The following UBE2E2 variants were observed in gnomAD, a reference collection of about 807,000 sequenced individuals.
The protein encoded by UBE2E2 is ubiquitin-conjugating enzyme E2 E2.
In UBE2E2, 6 loss-of-function variants were observed where a neutral mutation model predicts 24.7. That is an observed-to-expected ratio of 0.24 (90% confidence interval 0.13 to 0.48). The LOEUF (loss-of-function observed/expected upper bound fraction) is 0.48, where lower values mean the gene tolerates loss of function less well. Among genes scored for constraint, UBE2E2 ranks in the 20% least tolerant of loss-of-function variants. UBE2E2 has a pLI of 0.99. For synonymous variants in UBE2E2, 104 were observed against 83.6 expected (o/e 1.24, Z -1.33); for missense variants, 169 against 245.0 (o/e 0.69, Z 2.07).
chr3:23,437,685 A>G (rs772432617), intron 3 of UBE2E2, among the ~76,000 whole-genome samples: 9 of 152,178 alleles, frequency 5.9e-5, no homozygotes, highest in Non-Finnish European at 8.8e-5. Context: ...CTGCTTCTGT[A>G]TAGTGTCTGG....
chr3:23,358,491 G>C (rs1559360646), intron 3 of UBE2E2, among the ~76,000 whole-genome samples: 1 of 152,058 alleles, frequency 6.6e-6, no homozygotes. Flanking sequence ...GTGGAAATTA[G>C]TTTCTAACAG....
At chr3:23,565,375 T>G (rs1229994156) in intron 5 of UBE2E2, among the ~76,000 whole-genome samples, 1 of 151,056 alleles carries the variant, frequency 6.6e-6, no homozygotes, top group Non-Finnish European at 1.5e-5. Context: ...CTCTAATTAT[T>G]ACACTCTCAT....
At chr3:23,210,852 T>G (rs1490198902) in intron 2 of UBE2E2, among the ~76,000 whole-genome samples, 1 of 152,198 alleles carries the variant, frequency 6.6e-6, no homozygotes, top group African/African-American at 2.4e-5. Flanking sequence ...AGGTCTTCAG[T>G]TGGTTTTCGG....
chr3:23,357,121 G>A (rs1267436583), intron 3 of UBE2E2, among the ~76,000 whole-genome samples: 3 of 152,208 alleles, frequency 2.0e-5, no homozygotes, highest in African/African-American at 7.2e-5. Flanking sequence ...TAGTTGCATG[G>A]TCTTACTTCA....
At chr3:23,482,666 A>T (rs112843226) in intron 3 of UBE2E2, among the ~76,000 whole-genome samples, 31 of 151,494 alleles carry the variant, frequency 2.0e-4, no homozygotes, top group East Asian at 1.7e-3. Context: ...GATTATTATT[A>T]TTTTTTTTTA....
At chr3:23,558,780 G>A (rs141196699) in intron 5 of UBE2E2, among the ~76,000 whole-genome samples, 3 of 152,040 alleles carry the variant, frequency 2.0e-5, no homozygotes, top group Non-Finnish European at 4.4e-5. Context: ...GTTATTTATT[G>A]CCAGGCACAG....
At chr3:23,287,791 A>C (rs564283630) in intron 3 of UBE2E2, among the ~76,000 whole-genome samples, 1 of 137,852 alleles carries the variant, frequency 7.3e-6, no homozygotes, top group Non-Finnish European at 1.6e-5. Context: ...TTTTTTTTAC[A>C]TCTCTGATTT....
At position 23,280,317 on chromosome 3, in the gene UBE2E2, C is replaced by T. The variant is rs1698465271; in HGVS notation, c.227+63005C>T. Among the ~76,000 whole-genome samples the T allele has an allele frequency of 1.3e-5, 2 of 152,134 alleles. No individual in the cohort carries two copies. Among genetic ancestry groups the T allele is most frequent in the African/African-American group, 4.8e-5 (2 of 41,430 alleles). ...TAGTGTAATTTTTAGTGGTGAGAGT[C>T]TTAAGAGTACTAGTATTCTTTGGGA... is the stretch of plus-strand genomic sequence containing the variant. On this transcript the variant is annotated intron_variant, in intron 3 of 5. Transcript: ENST00000396703. The surrounding 1 kb of genome is among the most constrained non-coding windows in gnomAD (Gnocchi z 4.3).
chr3:23,439,372 C>T (rs868740532), intron 3 of UBE2E2, among the ~76,000 whole-genome samples: 1 of 152,178 alleles, frequency 6.6e-6, no homozygotes, highest in Admixed American at 6.5e-5. Flanking sequence ...ATAGTACCTG[C>T]GCTAAGAGAT....
chr3:23,394,695 G>T (rs1335120883), intron 3 of UBE2E2, among the ~76,000 whole-genome samples: 1 of 152,196 alleles, frequency 6.6e-6, no homozygotes, highest in African/African-American at 2.4e-5. Context: ...CTCTGGTACT[G>T]TTCTGGAGCC....
chr3:23,297,305 T>C (rs1698940167), intron 3 of UBE2E2, among the ~76,000 whole-genome samples: 1 of 151,930 alleles, frequency 6.6e-6, no homozygotes, highest in Non-Finnish European at 1.5e-5. Flanking sequence ...CAGAAGCTCT[T>C]TAGTTTAATT....
At chr3:23,288,915 C>A (rs539020627) in intron 3 of UBE2E2, among the ~76,000 whole-genome samples, 24 of 152,266 alleles carry the variant, frequency 1.6e-4, no homozygotes, top group African/African-American at 4.3e-4. Context: ...CTCTTCACAC[C>A]ACGTGGCTGC....
chr3:23,429,118 T>C (rs938878336), intron 3 of UBE2E2, among the ~76,000 whole-genome samples: 1 of 152,022 alleles, frequency 6.6e-6, no homozygotes, highest in African/African-American at 2.4e-5. Flanking sequence ...AGGCCTTACA[T>C]ATATATTAAA....
intron 3 of UBE2E2, among the ~76,000 whole-genome samples, chr3:23,436,732 C>T (rs1406454747): frequency 6.6e-6 from 1 of 152,124 alleles, no homozygotes; most frequent in Non-Finnish European, 1.5e-5. Flanking sequence ...TTTATTAGAA[C>T]GTCTTAAGTT....
At chr3:23,322,276 C>G (rs1244021914) in intron 3 of UBE2E2, among the ~76,000 whole-genome samples, 1 of 152,142 alleles carries the variant, frequency 6.6e-6, no homozygotes, top group Non-Finnish European at 1.5e-5. Flanking sequence ...CAAATTTTCT[C>G]TTATTCAGTT....
chr3:23,296,320 T>C (rs1698906791), intron 3 of UBE2E2, among the ~76,000 whole-genome samples: 1 of 152,208 alleles, frequency 6.6e-6, no homozygotes, highest in African/African-American at 2.4e-5. Flanking sequence ...TTTTTAAATT[T>C]TATTATTATT....
At chr3:23,582,699 T>G (rs60211887) in intron 5 of UBE2E2, among the ~76,000 whole-genome samples, 133 of 152,322 alleles carry the variant, frequency 8.7e-4, no homozygotes, top group African/African-American at 2.9e-3. Context: ...TATGCCTTCT[T>G]TTGAGAAATG....
chr3:23,539,963 A>G (rs2125491353), intron 5 of UBE2E2, among the ~76,000 whole-genome samples: 1 of 152,332 alleles, frequency 6.6e-6, no homozygotes, highest in South Asian at 2.1e-4. Flanking sequence ...TTCACAAAAA[A>G]TAGAGAAAAT....
chr3:23,208,670 G>A (rs774427212), intron 1 of UBE2E2, 22 bp from the exon 2 acceptor site: 2 of 1,576,384 alleles, frequency 1.3e-6, no homozygotes, highest in Non-Finnish European at 1.7e-6. Flanking sequence ...CTAAATAAAT[G>A]ATTTTTGATT....
Sources: allele counts gnomAD v4.1 joint callset (sites outside exome capture counted in the v4.1 genomes callset), GRCh38; gene constraint gnomAD v4.1.1; non-coding constraint Gnocchi (gnomAD v3.1); transcripts MANE v1.5; gene names NCBI Gene and HGNC (gene_info 2026-07-23, HGNC 2026-07-21).